SLC12A7: variants seen among roughly 807,000 people sequenced by gnomAD.
SLC12A7 encodes the protein K-Cl cotransporter 4.
Under a neutral mutation model 120.6 loss-of-function variants are expected in SLC12A7, and 100 were observed. The observed-to-expected ratio is 0.83, with a 90% CI of 0.71 to 0.98. SLC12A7 has a LOEUF of 0.98. Among genes scored for constraint, SLC12A7 ranks in the 50% least tolerant of loss-of-function variants. SLC12A7 has a pLI of 0.00. For missense variants in SLC12A7, 1,373 were observed against 1,548.1 expected, an observed-to-expected ratio of 0.89 and a Z score of 1.90; for synonymous variants, 760 against 678.0, an observed-to-expected ratio of 1.12 and a Z score of -1.88.
chr5:1,078,766 C>T lies in SLC12A7; in HGVS notation c.1397-8G>A, dbSNP rs576966625. 1.9e-6 allele frequency: 3 copies of T among 1,605,154 alleles called. No individual in the cohort carries two copies. The highest frequency in any genetic ancestry group is 1.1e-5 in the South Asian group (1 of 90,880). On this transcript the variant is annotated splice_region_variant and splice_polypyrimidine_tract_variant and intron_variant, in intron 10 of 23. Coordinates refer to ENST00000264930, the MANE Select transcript of SLC12A7 (RefSeq NM_006598.3). ...GCACAATGCAGGAGAGATCCACAGC[C>T]CTCGTCAAGGAAAGGCAGGTCCGTG... is the stretch of plus-strand genomic sequence containing the variant.
In SLC12A7 at chr5:1,089,745, CAG is replaced by C. The variant is rs1740286459; in HGVS notation, c.343-619_343-618del. 2.0e-5 allele frequency among the ~76,000 whole-genome samples: 3 copies of C among 152,308 alleles called. No homozygotes were observed. In the South Asian group the frequency reaches 6.2e-4, roughly 32 times the overall value. The stretch of plus-strand genomic sequence containing the variant: ...GGCAGCCTGCTTCAGACACCTGTGC[CAG>C]AGAGGGGGACACACCCTGTGCCCTG... On this transcript the variant is annotated intron_variant, in intron 3 of 23. Transcript: ENST00000264930.
At chr5:1,115,025 C>T (rs973423600), upstream of SLC12A7, among the ~76,000 whole-genome samples, 10 of 152,334 alleles carry the variant, frequency 6.6e-5, no homozygotes, top group Admixed American at 3.9e-4. Flanking sequence ...CGACAATCTC[C>T]CAAGTATATT....
At chr5:1,139,913 A>C in the SLC12A7 span, among the ~76,000 whole-genome samples, 6 of 152,326 alleles carry the variant, frequency 3.9e-5, no homozygotes, top group Non-Finnish European at 8.8e-5. Flanking sequence ...TTCCGGATGC[A>C]TGGGCCTCAG....
chr5:1,097,760 G>A (rs1406463090), intron 1 of SLC12A7, among the ~76,000 whole-genome samples: 2 of 152,162 alleles, frequency 1.3e-5, no homozygotes, highest in South Asian at 2.1e-4. Context: ...ACATGTGAGC[G>A]TGTGTTCAGC....
chr5:1,053,596 A>G, intron 22 of SLC12A7, 114 bp from the exon 23 acceptor site: 1 of 1,348,696 alleles, frequency 7.4e-7, no homozygotes, highest in South Asian at 1.4e-5. Context: ...GGGCTGTGTG[A>G]GTCAGGATCA....
At chr5:1,066,770 C>T (rs368696891) in intron 17 of SLC12A7, among the ~76,000 whole-genome samples, 24 of 152,108 alleles carry the variant, frequency 1.6e-4, no homozygotes, top group Non-Finnish European at 2.9e-4. Flanking sequence ...CAGGGTCGCC[C>T]GGGGGCCCAG....
At chr5:1,154,065 C>T in the SLC12A7 span, among the ~76,000 whole-genome samples, 1 of 152,042 alleles carries the variant, frequency 6.6e-6, no homozygotes, top group African/African-American at 2.4e-5. Flanking sequence ...TAACCCTAAC[C>T]GAGAATAACA....
At chr5:1,115,473 G>A (rs1442185511), upstream of SLC12A7, among the ~76,000 whole-genome samples, 1 of 152,202 alleles carries the variant, frequency 6.6e-6, no homozygotes, top group Non-Finnish European at 1.5e-5. Context: ...CCCCAGGTCC[G>A]CGGGTCCCCC....
chr5:1,117,474 A>C, the SLC12A7 span, among the ~76,000 whole-genome samples: 1 of 152,206 alleles, frequency 6.6e-6, no homozygotes, highest in African/African-American at 2.4e-5. This position sits in a 1 kb window ranked among gnomAD's most constrained non-coding sequence, Gnocchi z 4.5. Flanking sequence ...TTGTAGGATT[A>C]ACAAATTAGC....
the SLC12A7 span, among the ~76,000 whole-genome samples, chr5:1,122,732 T>C: frequency 1.3e-5 from 2 of 152,216 alleles, no homozygotes; most frequent in Admixed American, 1.3e-4. Flanking sequence ...TCCTTGGTGC[T>C]GTAGCCCGTG....
At position 1,053,455 on chromosome 5, in the gene SLC12A7, G is replaced by C; in HGVS notation, c.3054C>G (p.His1018Gln). ...KPDQSNVRRM[H>Q]TAVKLNGVVL... ...CGACGCCATTGAGCTTCACAGCCGT[G>C]TGCATCCGCCTGACGTTGGACTGGT... The change falls in exon 23 of 24, where the codon CAC becomes CAG. Residue 1018 changes from histidine (H) to glutamine (Q), a missense_variant. Transcript: ENST00000264930. 6.2e-7 allele frequency: 1 copy of C among 1,613,812 alleles called. No homozygotes were observed. Among genetic ancestry groups the C allele is most frequent in the Admixed American group, 1.7e-5 (1 of 60,022 alleles).
the SLC12A7 span, among the ~76,000 whole-genome samples, chr5:1,154,621 C>A: frequency 6.6e-6 from 1 of 152,210 alleles, no homozygotes; most frequent in Non-Finnish European, 1.5e-5. Flanking sequence ...TGCTGAGGAG[C>A]CTGAGATGCT....
At chr5:1,119,796 C>T in the SLC12A7 span, among the ~76,000 whole-genome samples, 2 of 152,282 alleles carry the variant, frequency 1.3e-5, no homozygotes, top group Admixed American at 6.5e-5. Context: ...AAATGGGGTC[C>T]ACCGGCGCTG....
chr5:1,057,298 C>T, intron 22 of SLC12A7, 173 bp downstream of exon 22: 1 of 645,552 alleles, frequency 1.5e-6, no homozygotes, highest in Non-Finnish European at 2.6e-6. Flanking sequence ...CCGGCCTTGG[C>T]ACCAAAAGGA....
Position 1,085,344 on chromosome 5 carries a change from C to G in SLC12A7, c.805G>C (p.Gly269Arg), listed in dbSNP as rs1561078924. ...LVLMALVVFVGVKYVNKLALV... is the reference protein window; with the variant it reads ...LVLMALVVFVRVKYVNKLALV... ...GCCAGCTTGTTGACATACTTGACGC[C>G]CACGAAGACCACCAGGGCCATGAGC... The change falls in exon 7 of 24, where the codon GGC becomes CGC. Residue 269 changes from glycine to arginine, a missense_variant. Gly to Arg is a moderately radical substitution (Grantham distance 125). Coordinates refer to ENST00000264930, the MANE Select transcript of SLC12A7 (RefSeq NM_006598.3). 1.2e-6 allele frequency: 2 copies of G among 1,612,592 alleles called. No individual in the cohort carries two copies.
chr5:1,099,049 G>A (rs995493989), intron 1 of SLC12A7, among the ~76,000 whole-genome samples: 69 of 152,202 alleles, frequency 4.5e-4, no homozygotes, highest in African/African-American at 1.4e-3. Context: ...GATGGGCAGG[G>A]TCCTTGCCAG....
In SLC12A7 at chr5:1,057,371, C is replaced by T. The variant is rs532859388; in HGVS notation, c.3026+100G>A. 9.4e-4 allele frequency: 1,213 copies of T among 1,286,510 alleles called. 1 individual carries two copies. Among genetic ancestry groups the T allele is most frequent in the Middle Eastern group, 1.9e-3 (8 of 4,202 alleles). 79.7% of individuals were successfully genotyped at this position (1,286,510 alleles called of 1,614,324 possible). A position where few individuals can be genotyped will look rare whatever the true frequency, so the allele number is the denominator to read the frequency against. On this transcript the variant is annotated intron_variant, in intron 22 of 23. Transcript: ENST00000264930. The stretch of plus-strand genomic sequence containing the variant: ...ACGGGCCCACTGGCCTGCAGGGTTG[C>T]CCCGAAGCTCTTCAGTGGTCAGGGA...
At chr5:1,088,168 A>T in intron 5 of SLC12A7, 138 bp downstream of exon 5, 1 of 740,940 alleles carries the variant, frequency 1.3e-6, no homozygotes, top group Non-Finnish European at 2.2e-6. Flanking sequence ...GCCAGTGGAG[A>T]ACACGCAGAA....
At chr5:1,141,505 G>A in the SLC12A7 span, among the ~76,000 whole-genome samples, 1 of 152,232 alleles carries the variant, frequency 6.6e-6, no homozygotes, top group Non-Finnish European at 1.5e-5. Flanking sequence ...CTCCCTCTCT[G>A]TGCTCTCCCC....
Sources: allele counts gnomAD v4.1 joint callset (sites outside exome capture counted in the v4.1 genomes callset), GRCh38; gene constraint gnomAD v4.1.1; non-coding constraint Gnocchi (gnomAD v3.1); transcripts MANE v1.5; gene names NCBI Gene and HGNC (gene_info 2026-07-23, HGNC 2026-07-21).